The following STK31 variants were observed in gnomAD, a reference collection of about 807,000 sequenced individuals.
STK31 encodes serine/threonine kinase 31, also known as serine/threonine-protein kinase 31.
STK31 carries 89 observed loss-of-function variants against 129.7 expected under a neutral mutation model. The observed-to-expected ratio is 0.69, with a 90% CI of 0.58 to 0.82. STK31 has a LOEUF of 0.82. Ranked by LOEUF, STK31 falls within the 40% of genes least tolerant of loss-of-function variation. The probability of loss-of-function intolerance (pLI) is 0.00; values close to 1 mark genes in which losing one functional copy is unlikely to be tolerated. For synonymous variants in STK31, 448 were observed against 395.3 expected, an observed-to-expected ratio of 1.13 and a Z score of -1.58; for missense variants, 1,187 against 1,176.4, an observed-to-expected ratio of 1.01 and a Z score of -0.13.
chr7:23,797,067 T>C (rs1792014233), intron 22 of STK31, among the ~76,000 whole-genome samples: 1 of 152,068 alleles, frequency 6.6e-6, no homozygotes, highest in Admixed American at 6.6e-5. Flanking sequence ...GAGCTAACTA[T>C]CCTAAATATT....
At position 23,719,729 on chromosome 7, in the gene STK31, T is replaced by C. The variant is rs114537900; in HGVS notation, c.249+2150T>C. Among the ~76,000 whole-genome samples, 233 of 152,256 alleles carry C rather than the reference T, an allele frequency of 1.5e-3. 1 individual carries two copies. Among genetic ancestry groups the C allele is most frequent in the African/African-American group, 5.3e-3 (220 of 41,582 alleles). ...AAGTATCTTTCACATTACTGAAATA[T>C]CCTCACTTACTTGGGACAATTTCAT... On this transcript the variant is annotated intron_variant, in intron 4 of 23. Transcript: ENST00000355870.
intron 11 of STK31, among the ~76,000 whole-genome samples, chr7:23,767,127 AG>A: frequency 6.6e-6 from 1 of 152,166 alleles, no homozygotes; most frequent in South Asian, 2.1e-4. Flanking sequence ...TCTTTTGTTG[AG>A]AATATTTATT....
chr7:23,730,885 T>A (rs1199760497), intron 6 of STK31, among the ~76,000 whole-genome samples: 31 of 126,072 alleles, frequency 2.5e-4, no homozygotes, highest in African/African-American at 7.8e-4. Context: ...TATATTTTTT[T>A]TTTTTTTTTT....
intron 22 of STK31, 125 bp from the exon 23 acceptor site, chr7:23,815,019 G>C (rs1793384666): frequency 3.2e-6 from 2 of 628,122 alleles, no homozygotes; most frequent in African/African-American, 3.8e-5. Flanking sequence ...CTGTAAGAGA[G>C]TTAATGTGCT....
At chr7:23,791,236 G>A in intron 22 of STK31, 1 of 982,646 alleles carries the variant, frequency 1.0e-6, no homozygotes, top group Non-Finnish European at 1.2e-6. Context: ...TGCATATATG[G>A]AAAATAAATG....
intron 11 of STK31, among the ~76,000 whole-genome samples, chr7:23,768,131 T>C (rs894966628): frequency 2.0e-5 from 3 of 152,218 alleles, no homozygotes; most frequent in African/African-American, 7.2e-5. Flanking sequence ...TGGTCAGTGA[T>C]GGACTGCATA....
chr7:23,768,608 A>G (rs540389782), intron 11 of STK31, among the ~76,000 whole-genome samples: 203 of 152,292 alleles, frequency 1.3e-3, no homozygotes, highest in African/African-American at 4.4e-3. Flanking sequence ...AATGGGTTCA[A>G]TGTACATTTG....
chr7:23,712,296 A>G lies in STK31; in HGVS notation c.150+10A>G, dbSNP rs768244450. On this transcript the variant is annotated intron_variant, in intron 3 of 23. Transcript: ENST00000355870. ...AACATTTTGGGCCCAGGTAAATAGC[A>G]AACTGGTTGATATCCCCCCTCACCT... 1.9e-6 allele frequency: 3 copies of G among 1,613,860 alleles called. No homozygotes were observed. In the East Asian group the frequency reaches 6.7e-5, roughly 36 times the overall value.
At chr7:23,756,659 T>C (rs1789102079) in intron 10 of STK31, among the ~76,000 whole-genome samples, 1 of 152,204 alleles carries the variant, frequency 6.6e-6, no homozygotes, top group Non-Finnish European at 1.5e-5. Flanking sequence ...TTTTGAGATA[T>C]GTTCCGTCAA....
chr7:23,796,299 A>C (rs1791949019), intron 22 of STK31, among the ~76,000 whole-genome samples: 1 of 152,090 alleles, frequency 6.6e-6, no homozygotes, highest in Non-Finnish European at 1.5e-5. Flanking sequence ...CATGATTTTC[A>C]TCAATGCTTC....
At chr7:23,713,311 C>T (rs1786094202) in intron 3 of STK31, among the ~76,000 whole-genome samples, 2 of 152,094 alleles carry the variant, frequency 1.3e-5, no homozygotes, top group South Asian at 2.1e-4. Context: ...AAAAGTGGTA[C>T]ACCTGTATAG....
At chr7:23,772,599 A>G (rs1790270708) in intron 15 of STK31, among the ~76,000 whole-genome samples, 1 of 152,160 alleles carries the variant, frequency 6.6e-6, no homozygotes, top group Non-Finnish European at 1.5e-5. Context: ...TGTAATACCA[A>G]CTTGCTACAT....
chr7:23,792,543 T>C (rs1791683094), intron 22 of STK31, among the ~76,000 whole-genome samples: 1 of 152,184 alleles, frequency 6.6e-6, no homozygotes, highest in Non-Finnish European at 1.5e-5. Flanking sequence ...TCTTGGCTTA[T>C]AGATTCGATG....
At chr7:23,770,938 T>C in intron 13 of STK31, 67 bp from the exon 14 acceptor site, 1 of 1,467,222 alleles carries the variant, frequency 6.8e-7, no homozygotes, top group South Asian at 1.5e-5. Flanking sequence ...TTATCTATTG[T>C]TATTGGAGGC....
At chr7:23,778,244 C>A (rs554139052) in intron 15 of STK31, among the ~76,000 whole-genome samples, 10 of 152,272 alleles carry the variant, frequency 6.6e-5, no homozygotes, top group African/African-American at 2.4e-4. Flanking sequence ...AGTAACCCAA[C>A]CTTTCTCTCT....
At chr7:23,788,528 T>C (rs1791433018) in intron 21 of STK31, among the ~76,000 whole-genome samples, 2 of 152,250 alleles carry the variant, frequency 1.3e-5, no homozygotes, top group East Asian at 3.9e-4. Flanking sequence ...TAATGTGCAT[T>C]TTTAGAAACC....
chr7:23,784,365 A>G (rs541361212), intron 17 of STK31, among the ~76,000 whole-genome samples: 1 of 152,330 alleles, frequency 6.6e-6, no homozygotes, highest in East Asian at 1.9e-4. Flanking sequence ...AATATTTAAG[A>G]TTAAAGTTCC....
At chr7:23,764,543 C>T (rs1562582917) in intron 11 of STK31, among the ~76,000 whole-genome samples, 1 of 152,096 alleles carries the variant, frequency 6.6e-6, no homozygotes, top group Non-Finnish European at 1.5e-5. Context: ...TTGTGGCATA[C>T]AATACATGTT....
chr7:23,783,517 AG>A, intron 16 of STK31, 65 bp from the exon 17 acceptor site: 1 of 1,180,082 alleles, frequency 8.5e-7, no homozygotes, highest in East Asian at 2.4e-5. Flanking sequence ...ATTTTCCTGA[AG>A]AGCAACATGT....
Sources: allele counts gnomAD v4.1 joint callset (sites outside exome capture counted in the v4.1 genomes callset), GRCh38; gene constraint gnomAD v4.1.1; transcripts MANE v1.5; gene names NCBI Gene and HGNC (gene_info 2026-07-23, HGNC 2026-07-21).